The following NTRK2 variants were observed in gnomAD, a reference collection of about 807,000 sequenced individuals.
The protein encoded by NTRK2 is BDNF/NT-3 growth factors receptor.
NTRK2 carries 13 observed loss-of-function variants against 94.5 expected under a neutral mutation model. The ratio of observed to expected loss-of-function variants is 0.14; its 90% CI spans 0.09 to 0.22. The LOEUF is 0.22. NTRK2 is among the 10% of genes least tolerant of loss of function. NTRK2 has a pLI of 1.00. For synonymous variants in NTRK2, 372 were observed against 407.4 expected, an observed-to-expected ratio of 0.91 and a Z score of 1.05; for missense variants, 639 against 1,071.2, an observed-to-expected ratio of 0.60 and a Z score of 5.63.
intron 17 of NTRK2, among the ~76,000 whole-genome samples, chr9:84,961,077 C>T (rs60516074): frequency 0.1 from 15,450 of 152,192 alleles, 862 homozygotes; most frequent in Admixed American, 0.16. Flanking sequence ...ATTTTCGTTG[C>T]AGTGAAGAGC....
At chr9:84,735,830 C>T (rs530866934) in intron 9 of NTRK2, among the ~76,000 whole-genome samples, 1 of 152,306 alleles carries the variant, frequency 6.6e-6, no homozygotes, top group African/African-American at 2.4e-5. Context: ...ATAAAAATCC[C>T]TTCATGAACC....
intron 6 of NTRK2, among the ~76,000 whole-genome samples, chr9:84,722,464 A>C (rs1460056680): frequency 6.6e-6 from 1 of 152,156 alleles, no homozygotes; most frequent in African/African-American, 2.4e-5. Context: ...GGGTGGGTTA[A>C]TTGCAATTTA....
chr9:85,007,169 A>G (rs1831064570), intron 17 of NTRK2, among the ~76,000 whole-genome samples: 1 of 152,260 alleles, frequency 6.6e-6, no homozygotes, highest in African/African-American at 2.4e-5. Context: ...ATTTACCATT[A>G]TGATCTAACA....
At chr9:84,947,570 G>A (rs2078642247) in intron 15 of NTRK2, among the ~76,000 whole-genome samples, 2 of 152,250 alleles carry the variant, frequency 1.3e-5, no homozygotes, top group Admixed American at 1.3e-4. Context: ...GGATGCATGG[G>A]TTTCGAGAGG....
chr9:84,948,713 C>A, intron 16 of NTRK2, 79 bp downstream of exon 16: 1 of 1,325,268 alleles, frequency 7.5e-7, no homozygotes, highest in Non-Finnish European at 1.1e-6. Flanking sequence ...TGGGAGGGAA[C>A]AAGGGACCCC....
intron 17 of NTRK2, among the ~76,000 whole-genome samples, chr9:84,999,248 T>C (rs1226817484): frequency 1.3e-5 from 2 of 152,208 alleles, no homozygotes; most frequent in Non-Finnish European, 1.5e-5. Context: ...CCTGGGCTCC[T>C]TGAAGCTTGT....
chr9:84,953,296 C>A (rs1823703259), intron 16 of NTRK2, among the ~76,000 whole-genome samples: 1 of 152,220 alleles, frequency 6.6e-6, no homozygotes. Context: ...TAAAGAGAAT[C>A]TTTGTTTGCA....
chr9:84,736,257 T>C (rs1009499783), intron 9 of NTRK2, among the ~76,000 whole-genome samples: 2 of 152,074 alleles, frequency 1.3e-5, no homozygotes, highest in African/African-American at 4.8e-5. Flanking sequence ...GCAGTGGGAG[T>C]CAGTGACTTG....
intron 12 of NTRK2, among the ~76,000 whole-genome samples, chr9:84,840,091 T>C (rs2074089004): frequency 6.6e-6 from 1 of 152,078 alleles, no homozygotes; most frequent in Non-Finnish European, 1.5e-5. Context: ...TTATTGCTTT[T>C]TCTTGCTGAT....
chr9:84,819,779 T>C (rs2072668052), intron 12 of NTRK2, among the ~76,000 whole-genome samples: 1 of 152,214 alleles, frequency 6.6e-6, no homozygotes, highest in Non-Finnish European at 1.5e-5. Context: ...CCAGCAAAGC[T>C]ATTTTCCCTT....
intron 14 of NTRK2, among the ~76,000 whole-genome samples, chr9:84,929,859 G>A: frequency 6.6e-6 from 1 of 152,140 alleles, no homozygotes; most frequent in East Asian, 1.9e-4. Context: ...ACCACACCCA[G>A]CCTCTTATTT....
chr9:84,862,970 G>T (rs1449451155), intron 13 of NTRK2, among the ~76,000 whole-genome samples: 1 of 152,132 alleles, frequency 6.6e-6, no homozygotes, highest in Non-Finnish European at 1.5e-5. Context: ...GGTGGTTGGG[G>T]TGTTGTCTCT....
intron 14 of NTRK2, among the ~76,000 whole-genome samples, chr9:84,870,502 A>C (rs1363171668): frequency 6.7e-6 from 1 of 150,346 alleles, no homozygotes; most frequent in Non-Finnish European, 1.5e-5. Context: ...ATGTCTGGCT[A>C]ATTTTTTTTT....
chr9:84,950,904 A>T (rs541887381), intron 16 of NTRK2, among the ~76,000 whole-genome samples: 1 of 152,286 alleles, frequency 6.6e-6, no homozygotes, highest in East Asian at 1.9e-4. Flanking sequence ...CTTTCTTGTG[A>T]TGGCAACACC....
chr9:84,931,039 A>G (rs2078008014), intron 14 of NTRK2, among the ~76,000 whole-genome samples: 1 of 152,238 alleles, frequency 6.6e-6, no homozygotes, highest in South Asian at 2.1e-4. Flanking sequence ...CACCAATTGT[A>G]TGCACAGCAC....
chr9:84,880,304 G>A (rs937806242), intron 14 of NTRK2, among the ~76,000 whole-genome samples: 4 of 152,286 alleles, frequency 2.6e-5, no homozygotes, highest in Non-Finnish European at 4.4e-5. Flanking sequence ...ATGCTGGGAG[G>A]AGTGAGAACC....
At chr9:84,744,401 A>T (rs1367083426) in intron 10 of NTRK2, among the ~76,000 whole-genome samples, 2 of 152,192 alleles carry the variant, frequency 1.3e-5, no homozygotes, top group Non-Finnish European at 2.9e-5. Context: ...CCCAAGTTTC[A>T]TACTGATGCT....
intron 14 of NTRK2, among the ~76,000 whole-genome samples, chr9:84,901,970 G>A (rs892916513): frequency 1.3e-5 from 2 of 152,230 alleles, no homozygotes; most frequent in East Asian, 1.9e-4. Flanking sequence ...ACTGGGGTGG[G>A]CGGATCACTT....
intron 12 of NTRK2, chr9:84,812,892 T>C: frequency 9.7e-7 from 1 of 1,033,708 alleles, no homozygotes; most frequent in Non-Finnish European, 1.2e-6. Context: ...TGACATCTCC[T>C]AGGGAATGAT....
Sources: allele counts gnomAD v4.1 joint callset (sites outside exome capture counted in the v4.1 genomes callset), GRCh38; gene constraint gnomAD v4.1.1; transcripts MANE v1.5; gene names NCBI Gene and HGNC (gene_info 2026-07-23, HGNC 2026-07-21).